Variants in DSCAM observed in about 807,000 individuals in gnomAD.
DSCAM encodes the protein cell adhesion molecule DSCAM.
A neutral mutation model predicts 217.7 loss-of-function variants in DSCAM; 47 were observed. The ratio of observed to expected loss-of-function variants is 0.22; its 90% confidence interval spans 0.17 to 0.28. The LOEUF (loss-of-function observed/expected upper bound fraction) is 0.28. Among genes scored for constraint, DSCAM ranks in the 10% least tolerant of loss-of-function variants. The pLI, the probability that DSCAM is intolerant of heterozygous loss-of-function variation, is 1.00. For synonymous variants in DSCAM, 1,056 were observed against 1,015.3 expected (o/e 1.04, Z -0.76); for missense variants, 2,080 against 2,618.3 (o/e 0.79, Z 4.49).
chr21:40,147,699 T>C (rs774459635), intron 16 of DSCAM, among the ~76,000 whole-genome samples: 3 of 152,250 alleles, frequency 2.0e-5, no homozygotes, highest in Non-Finnish European at 4.4e-5. Context: ...TTGCCCCACA[T>C]AGCTGTGTTT....
At chr21:40,390,913 A>C (rs2075128248) in intron 3 of DSCAM, among the ~76,000 whole-genome samples, 1 of 152,190 alleles carries the variant, frequency 6.6e-6, no homozygotes. Flanking sequence ...GACACAATTG[A>C]ATCTATTATA....
intron 3 of DSCAM, among the ~76,000 whole-genome samples, chr21:40,381,800 A>G (rs2075028860): frequency 6.6e-6 from 1 of 152,228 alleles, no homozygotes. Flanking sequence ...TTGTGAAATC[A>G]GTTTCATGGA....
At chr21:40,823,203 TTGTGTGTGTGTGTG>T (rs3988411) in intron 1 of DSCAM, among the ~76,000 whole-genome samples, 1 of 144,374 alleles carries the variant, frequency 6.9e-6, no homozygotes, top group African/African-American at 2.6e-5. Flanking sequence ...CATACATACA[TTGTGTGTGTGTGTG>T]TGTGTGTGTG....
intron 11 of DSCAM, among the ~76,000 whole-genome samples, chr21:40,194,519 G>T (rs1568993162): frequency 6.6e-6 from 1 of 152,134 alleles, no homozygotes; most frequent in Non-Finnish European, 1.5e-5. Context: ...CAGGGCCAAG[G>T]GAGATCCAGA....
chr21:40,817,866 G>A (rs978405236), intron 1 of DSCAM, among the ~76,000 whole-genome samples: 7 of 151,774 alleles, frequency 4.6e-5, no homozygotes, highest in African/African-American at 1.7e-4. Context: ...GGAGGCCGAG[G>A]CGGGTGGATC....
At chr21:40,509,082 T>C (rs2076237937) in intron 3 of DSCAM, among the ~76,000 whole-genome samples, 1 of 152,122 alleles carries the variant, frequency 6.6e-6, no homozygotes, top group Non-Finnish European at 1.5e-5. Context: ...TTATTGTTGT[T>C]TCCTCTTTGT....
At chr21:40,780,376 C>T (rs537858565) in intron 1 of DSCAM, among the ~76,000 whole-genome samples, 11 of 140,464 alleles carry the variant, frequency 7.8e-5, no homozygotes, top group African/African-American at 2.6e-4. Flanking sequence ...AATTTTGTGC[C>T]TCACCTATTT....
Position 40,133,868 on chromosome 21 carries a change from C to A in DSCAM, c.3548G>T (p.Arg1183Leu). 1 of 1,607,490 alleles carries A rather than the reference C, an allele frequency of 6.2e-7. No individual in the cohort carries two copies. The highest frequency in any genetic ancestry group is 8.5e-7 in the Non-Finnish European group (1 of 1,177,110). ...CCGTCTCTCACCATCCTCTTTGGTC[C>A]GGGTGAAGATCTGCTCACTCCTGAC... ...DGVRSEQIFT[R>L]TKEDVPGPPA... Residue 1183 changes from arginine to leucine, a missense_variant, in exon 19 of 33, where the codon CGG becomes CTG. Physicochemically the swap from Arg to Leu is moderately radical, Grantham distance 102. Around this residue, in one of 5 missense-constraint regions of DSCAM, gnomAD observed 1,144 missense variants for 1,421.1 expected, o/e 0.81. Transcript: ENST00000400454.
At chr21:40,753,098 A>C (rs2091244528) in intron 1 of DSCAM, among the ~76,000 whole-genome samples, 2 of 152,208 alleles carry the variant, frequency 1.3e-5, no homozygotes, top group Admixed American at 1.3e-4. Context: ...GACTTGCTCC[A>C]TGTTGGACAC....
At chr21:40,082,604 G>T (rs530261612) in intron 24 of DSCAM, among the ~76,000 whole-genome samples, 1 of 151,810 alleles carries the variant, frequency 6.6e-6, no homozygotes, top group South Asian at 2.1e-4. Context: ...CATTCCACAA[G>T]GCAGCTATTA....
rs374325643 is a variant in DSCAM, at chr21:40,369,061, T to G, written c.655+38A>C. On this transcript the variant is annotated intron_variant, in intron 4 of 32. Coordinates refer to ENST00000400454, the MANE Select transcript of DSCAM (RefSeq NM_001389.5). ...TCGTCTCAGGACACTAACAAAGAAA[T>G]AGCAGACATAGCAGACAGAGTCTTG... is the stretch of plus-strand genomic sequence containing the variant. 11 of 1,556,636 alleles carry G rather than the reference T, an allele frequency of 7.1e-6. No homozygotes were observed. In the East Asian group the frequency reaches 2.5e-4, roughly 36 times the overall value.
intron 3 of DSCAM, among the ~76,000 whole-genome samples, chr21:40,481,541 A>G (rs1277521114): frequency 4.0e-5 from 6 of 151,470 alleles, no homozygotes; most frequent in Non-Finnish European, 7.4e-5. Flanking sequence ...AAAAAAAAAA[A>G]AAAAAAAAAA....
At chr21:40,635,957 G>C (rs963480271) in intron 3 of DSCAM, among the ~76,000 whole-genome samples, 4 of 152,128 alleles carry the variant, frequency 2.6e-5, no homozygotes, top group Admixed American at 2.6e-4. Flanking sequence ...CAAATGAAAA[G>C]CCCTATAGGA....
chr21:40,806,843 A>T (rs2091792318), intron 1 of DSCAM, among the ~76,000 whole-genome samples: 1 of 152,232 alleles, frequency 6.6e-6, no homozygotes, highest in Non-Finnish European at 1.5e-5. Flanking sequence ...CATCATTCTC[A>T]GTAAACTAAC....
chr21:40,498,633 TATA>T (rs556286523), intron 3 of DSCAM, among the ~76,000 whole-genome samples: 108 of 129,278 alleles, frequency 8.4e-4, no homozygotes, highest in African/African-American at 1.7e-3. Flanking sequence ...GCACTATGTA[TATA>T]TATATATATA....
chr21:40,157,415 G>C (rs2090489932), intron 16 of DSCAM, among the ~76,000 whole-genome samples: 2 of 152,308 alleles, frequency 1.3e-5, no homozygotes, highest in Non-Finnish European at 2.9e-5. Context: ...GGAGAGAGGG[G>C]AGAAAGGTTG....
At chr21:40,161,413 T>C (rs1229741835) in intron 16 of DSCAM, among the ~76,000 whole-genome samples, 1 of 138,696 alleles carries the variant, frequency 7.2e-6, no homozygotes, top group Admixed American at 7.3e-5. Context: ...AAGTCCACAG[T>C]TTTTTTTTTA....
intron 3 of DSCAM, among the ~76,000 whole-genome samples, chr21:40,471,900 C>T (rs897027597): frequency 6.6e-6 from 1 of 152,118 alleles, no homozygotes; most frequent in African/African-American, 2.4e-5. Context: ...CCCGTTAACT[C>T]GTCATTTACA....
intron 20 of DSCAM, among the ~76,000 whole-genome samples, chr21:40,107,863 T>C (rs2146626498): frequency 6.6e-6 from 1 of 152,304 alleles, no homozygotes; most frequent in South Asian, 2.1e-4. Flanking sequence ...CTTTTTTCTG[T>C]TTTTGATTTG....
Sources: allele counts gnomAD v4.1 joint callset (sites outside exome capture counted in the v4.1 genomes callset), GRCh38; gene constraint gnomAD v4.1.1; regional missense constraint gnomAD v4.1.1; transcripts MANE v1.5; gene names NCBI Gene and HGNC (gene_info 2026-07-23, HGNC 2026-07-21).